The following DLC1 variants were observed in gnomAD, a reference collection of about 807,000 sequenced individuals.
The protein encoded by DLC1 is rho GTPase-activating protein 7.
Under a neutral mutation model 140.3 loss-of-function variants are expected in DLC1, and 54 were observed. The ratio of observed to expected loss-of-function variants is 0.38; its 90% CI spans 0.31 to 0.48. The LOEUF (loss-of-function observed/expected upper bound fraction) is 0.48. Ranked by LOEUF, DLC1 falls within the 20% of genes least tolerant of loss-of-function variation. DLC1 has a pLI of 0.96. For missense variants in DLC1, 2,536 were observed against 1,907.0 expected (o/e 1.33, Z -6.14); for synonymous variants, 986 against 728.1 (o/e 1.35, Z -5.70).
intron 5 of DLC1, among the ~76,000 whole-genome samples, chr8:13,284,846 C>G (rs1831486982): frequency 6.6e-6 from 1 of 152,126 alleles, no homozygotes; most frequent in Non-Finnish European, 1.5e-5. Flanking sequence ...AATTTGTACA[C>G]TGAAAAACTA....
intron 2 of DLC1, among the ~76,000 whole-genome samples, chr8:13,418,593 T>C (rs970479388): frequency 3.3e-5 from 5 of 152,200 alleles, no homozygotes; most frequent in African/African-American, 1.2e-4. Flanking sequence ...TTGGTACCAG[T>C]ACCATGCTGT....
chr8:13,304,846 A>T, intron 5 of DLC1: 1 of 983,866 alleles, frequency 1.0e-6, no homozygotes, highest in Non-Finnish European at 1.2e-6. Flanking sequence ...TTGCTTCATC[A>T]CTATATTTTT....
chr8:13,123,394 GCAGTGGCA>G (rs900271855), intron 5 of DLC1, among the ~76,000 whole-genome samples: 45 of 151,892 alleles, frequency 3.0e-4, no homozygotes, highest in African/African-American at 1.0e-3. Context: ...AGGCCGGAAT[GCAGTGGCA>G]CAATCTTGGC....
At chr8:13,572,597 T>A (rs921966792) in intron 1 of DLC1, among the ~76,000 whole-genome samples, 1 of 152,212 alleles carries the variant, frequency 6.6e-6, no homozygotes, top group Non-Finnish European at 1.5e-5. Flanking sequence ...TATTTTCTTC[T>A]AAGAGTTTTA....
At chr8:13,570,328 G>A (rs533847764) in intron 1 of DLC1, among the ~76,000 whole-genome samples, 54 of 149,176 alleles carry the variant, frequency 3.6e-4, no homozygotes, top group South Asian at 1.9e-3. Flanking sequence ...AAGTTTTAGG[G>A]TACCTGTGCA....
intron 5 of DLC1, among the ~76,000 whole-genome samples, chr8:13,303,719 T>G (rs918742373): frequency 4.6e-5 from 7 of 152,182 alleles, no homozygotes; most frequent in Admixed American, 4.6e-4. Context: ...GGAGAATGGC[T>G]TGAATCTGGG....
chr8:13,602,839 C>A (rs925932196), intron 1 of DLC1, among the ~76,000 whole-genome samples: 1 of 151,754 alleles, frequency 6.6e-6, no homozygotes, highest in East Asian at 1.9e-4. Flanking sequence ...TTTTATCCCA[C>A]GTTACTTAAA....
intron 2 of DLC1, among the ~76,000 whole-genome samples, chr8:13,468,082 T>C (rs893137491): frequency 1.3e-5 from 2 of 152,204 alleles, no homozygotes; most frequent in Admixed American, 1.3e-4. Context: ...TAAAATTCAC[T>C]TGTAAAATCA....
At chr8:13,192,250 C>T (rs112744990) in intron 5 of DLC1, among the ~76,000 whole-genome samples, 183 of 150,756 alleles carry the variant, frequency 1.2e-3, no homozygotes, top group African/African-American at 4.1e-3. Flanking sequence ...TGTGCCCAGC[C>T]AGCCTGATTA....
At chr8:13,387,972 T>A (rs1024213301) in intron 4 of DLC1, among the ~76,000 whole-genome samples, 1 of 152,072 alleles carries the variant, frequency 6.6e-6, no homozygotes, top group Admixed American at 6.6e-5. Flanking sequence ...TTCTTGACAG[T>A]CTTCCCAGAA....
intron 5 of DLC1, chr8:13,214,664 T>A: frequency 1.3e-6 from 1 of 778,904 alleles, no homozygotes. Context: ...TGGAAAAGCC[T>A]CTTCTGGGGA....
chr8:13,566,315 A>G (rs1804425928), intron 1 of DLC1, among the ~76,000 whole-genome samples: 1 of 152,160 alleles, frequency 6.6e-6, no homozygotes, highest in Non-Finnish European at 1.5e-5. Flanking sequence ...ACAAAAGGCC[A>G]GAGAAACTGA....
intron 2 of DLC1, among the ~76,000 whole-genome samples, chr8:13,489,582 TGA>T (rs1491200294): frequency 3.6e-5 from 2 of 55,632 alleles, no homozygotes; most frequent in Non-Finnish European, 7.6e-5. Flanking sequence ...GTTATACAAA[TGA>T]AAAAAAAAAA....
intron 5 of DLC1, among the ~76,000 whole-genome samples, chr8:13,121,950 T>C (rs1209560385): frequency 6.6e-6 from 1 of 152,160 alleles, no homozygotes; most frequent in Non-Finnish European, 1.5e-5. Context: ...AAAAGCTCCC[T>C]CAGTTTAAAG....
rs796573280 is a variant in DLC1 at position 13,523,960 on chromosome 8, G to A, written c.-125-23764C>T. 8.7e-4 allele frequency among the ~76,000 whole-genome samples: 132 copies of A among 151,870 alleles called. 1 individual carries two copies. The highest frequency in any genetic ancestry group is 3.1e-3 in the African/African-American group (127 of 41,452). ...TAGAAATGTTGAAGTGCATTATTAA[G>A]TAGGAGAGAGGGGATGGGATCTAAT... On this transcript the variant is annotated intron_variant, in intron 1 of 1. Transcript: ENST00000631382.
chr8:13,127,629 A>C (rs1266863660), intron 5 of DLC1, among the ~76,000 whole-genome samples: 1 of 152,232 alleles, frequency 6.6e-6, no homozygotes, highest in East Asian at 1.9e-4. Context: ...GCTGTGGGGC[A>C]GCACCGTGCA....
chr8:13,168,503 C>A (rs1563131289), intron 5 of DLC1, among the ~76,000 whole-genome samples: 2 of 151,996 alleles, frequency 1.3e-5, no homozygotes, highest in Admixed American at 6.6e-5. Context: ...GAGACAAGTC[C>A]CAGAAATTGA....
intron 5 of DLC1, chr8:13,133,204 C>G (rs1822268992): frequency 1.4e-6 from 2 of 1,421,974 alleles, no homozygotes; most frequent in Non-Finnish European, 1.8e-6. Flanking sequence ...GCGAGAAGTC[C>G]GTGAGCCGGC....
At chr8:13,373,215 T>C (rs1835807038) in intron 4 of DLC1, among the ~76,000 whole-genome samples, 1 of 152,136 alleles carries the variant, frequency 6.6e-6, no homozygotes, top group African/African-American at 2.4e-5. Flanking sequence ...GGTGACTGAA[T>C]TATGAATCTT....
Sources: allele counts gnomAD v4.1 joint callset (sites outside exome capture counted in the v4.1 genomes callset), GRCh38; gene constraint gnomAD v4.1.1; transcripts MANE v1.5; gene names NCBI Gene and HGNC (gene_info 2026-07-23, HGNC 2026-07-21).